Variants in EFR3B observed in about 807,000 individuals in gnomAD.
The protein encoded by EFR3B is EFR3 homolog B, also known as protein EFR3 homolog B.
EFR3B carries 64 observed loss-of-function variants against 104.7 expected under a neutral mutation model. The observed-to-expected ratio is 0.61, with a 90% CI of 0.50 to 0.75. The LOEUF (loss-of-function observed/expected upper bound fraction) is 0.75. Among genes scored for constraint, EFR3B ranks in the 30% least tolerant of loss-of-function variants. The probability of loss-of-function intolerance (pLI) is 0.00; values close to 1 mark genes in which losing one functional copy is unlikely to be tolerated. For synonymous variants in EFR3B, 385 were observed against 417.9 expected (o/e 0.92, Z 0.96); for missense variants, 750 against 1,078.5 (o/e 0.70, Z 4.27).
chr2:25,130,090 G>A lies in EFR3B; in HGVS notation c.751G>A (p.Ala251Thr), dbSNP rs1670288269. The change falls in exon 7 of 23, where the codon GCC (alanine) becomes ACC (threonine). Residue 251 changes from alanine to threonine, a missense_variant. Physicochemically the swap from Ala to Thr is moderately conservative, Grantham distance 58 (BLOSUM62 0). Coordinates refer to ENST00000403714, the MANE Select transcript of EFR3B (RefSeq NM_014971.2). The surrounding 1 kb of genome is among the most constrained non-coding windows in gnomAD (Gnocchi z 4.6). ...GGCTGCCTTTGGCAACATCAAAAACGCCATCAAGCCTGTTCTCATGTGAGT... is the reference window on the plus strand; with the variant it reads ...GGCTGCCTTTGGCAACATCAAAAACACCATCAAGCCTGTTCTCATGTGAGT... Reference protein sequence around the residue: ...GRAAFGNIKNAIKPVLIHLDN... With the variant: ...GRAAFGNIKNTIKPVLIHLDN... 2.6e-6 allele frequency: 4 copies of A among 1,551,684 alleles called. No individual in the cohort carries two copies. The highest frequency in any genetic ancestry group is 1.4e-5 in the African/African-American group (1 of 73,044).
At chr2:25,050,974 G>GGTCC (rs1301434859) in intron 1 of EFR3B, among the ~76,000 whole-genome samples, 2 of 152,150 alleles carry the variant, frequency 1.3e-5, no homozygotes, top group Admixed American at 6.5e-5. Flanking sequence ...TATTAAGATT[G>GGTCC]GTCCAAATGC....
At chr2:25,152,109 T>C (rs994049391) in intron 21 of EFR3B, 89 bp downstream of exon 21, 32 of 1,351,398 alleles carry the variant, frequency 2.4e-5, no homozygotes, top group Middle Eastern at 3.7e-4. Flanking sequence ...TAGGAGATCT[T>C]GGCTCTTTGA....
chr2:25,067,435 T>G (rs551579569), intron 1 of EFR3B, among the ~76,000 whole-genome samples: 20 of 151,338 alleles, frequency 1.3e-4, no homozygotes, highest in East Asian at 5.8e-4. Flanking sequence ...TGTTTTTTTT[T>G]TTTTGTTTTT....
chr2:25,042,233 A>C lies in EFR3B; in HGVS notation c.-80A>C. The stretch of plus-strand genomic sequence containing the variant: ...CCGCCAGTCCCCGCCCCGACTGTGA[A>C]TGAAAGGCGGGCGCCGCCGAGGGCT... On this transcript the variant is annotated 5_prime_UTR_variant, in exon 1 of 23. The change abolishes an upstream ATG in the 5' untranslated region. Coordinates refer to ENST00000403714, the MANE Select transcript of EFR3B (RefSeq NM_014971.2). This position sits in a 1 kb window ranked among gnomAD's most constrained non-coding sequence, Gnocchi z 5.4. The C allele has an allele frequency of 7.8e-7, 1 of 1,280,378 alleles. No individual in the cohort carries two copies. The highest frequency in any genetic ancestry group is 9.9e-7 in the Non-Finnish European group (1 of 1,010,952). The allele number at this position is 1,280,378 out of a possible 1,614,324, so 79.3% of individuals were successfully genotyped here. A position where few individuals can be genotyped will look rare whatever the true frequency, so the allele number is the denominator to read the frequency against.
At chr2:25,043,334 A>C (rs1667624537) in intron 1 of EFR3B, among the ~76,000 whole-genome samples, 1 of 152,168 alleles carries the variant, frequency 6.6e-6, no homozygotes, top group East Asian at 1.9e-4. Flanking sequence ...CAGTGTTTGG[A>C]GAAGAGTGCG....
At chr2:25,143,996 A>C (rs1670749121) in intron 18 of EFR3B, 134 bp downstream of exon 18, 2 of 1,307,202 alleles carry the variant, frequency 1.5e-6, no homozygotes, top group South Asian at 3.3e-5. Context: ...TGAAAGACAC[A>C]GTGGAAATTT....
chr2:25,137,231 G>A lies in EFR3B; in HGVS notation c.1561-110G>A. ...AGGCATCCCCTCCCCAAGGGAGGAG[G>A]GGGCACACAGCCATCCTGCCCCCCT... is the stretch of plus-strand genomic sequence containing the variant. On this transcript the variant is annotated intron_variant, in intron 14 of 22. Transcript: ENST00000403714. This position sits in a 1 kb window ranked among gnomAD's most constrained non-coding sequence, Gnocchi z 4.7. 7.8e-7 allele frequency: 1 copy of A among 1,280,554 alleles called. No individual in the cohort carries two copies. Among genetic ancestry groups the A allele is most frequent in the South Asian group, 1.4e-5 (1 of 69,382 alleles). 79.3% of individuals were successfully genotyped at this position (1,280,554 alleles called of 1,614,324 possible).
intron 1 of EFR3B, among the ~76,000 whole-genome samples, chr2:25,059,299 G>A (rs1340264575): frequency 6.6e-6 from 1 of 151,966 alleles, no homozygotes; most frequent in Non-Finnish European, 1.5e-5. Flanking sequence ...GGTCAGGCTG[G>A]TCTCGATCTC....
At chr2:25,106,971 A>C (rs1379377294) in intron 4 of EFR3B, among the ~76,000 whole-genome samples, 1 of 152,206 alleles carries the variant, frequency 6.6e-6, no homozygotes, top group Admixed American at 6.5e-5. Flanking sequence ...GAAGGAGAAA[A>C]AGGAAGAGAA....
At chr2:25,122,364 G>A (rs1008637916) in intron 5 of EFR3B, among the ~76,000 whole-genome samples, 1 of 152,106 alleles carries the variant, frequency 6.6e-6, no homozygotes, top group East Asian at 1.9e-4. Flanking sequence ...GCCAGTGACA[G>A]AACACACATG....
At position 25,091,418 on chromosome 2, in the gene EFR3B, G is replaced by A. The variant is rs1315145708; in HGVS notation, c.84+17G>A. 1 of 1,544,796 alleles carries A rather than the reference G, an allele frequency of 6.5e-7. No homozygotes were observed. Among genetic ancestry groups the A allele is most frequent in the South Asian group, 1.2e-5 (1 of 83,228 alleles). ...GATCCCGAGGTGGGTCATGTCTCTG[G>A]CAGGCATCGTGGCTCTCATGGTCCA... On this transcript the variant is annotated intron_variant, in intron 2 of 22. Transcript: ENST00000403714.
At chr2:25,080,310 TTGAGATGGA>T in intron 1 of EFR3B, 2 of 808,798 alleles carry the variant, frequency 2.5e-6, no homozygotes, top group Non-Finnish European at 3.8e-6. Flanking sequence ...TTTTTTTTTT[TTGAGATGGA>T]GTTTTGCTCT....
chr2:25,098,095 C>T (rs1006559604), intron 3 of EFR3B, among the ~76,000 whole-genome samples: 46 of 152,194 alleles, frequency 3.0e-4, no homozygotes, highest in African/African-American at 1.1e-3. Flanking sequence ...ATAGGGATAC[C>T]GCAGACCCCT....
At chr2:25,133,212 G>A (rs747010146) in intron 11 of EFR3B, among the ~76,000 whole-genome samples, 171 bp from the exon 12 acceptor site, 2 of 152,166 alleles carry the variant, frequency 1.3e-5, no homozygotes. Flanking sequence ...CTCCCAACGT[G>A]GGGGGAGCCA....
At position 25,131,821 on chromosome 2, in the gene EFR3B, G is replaced by C. The variant is rs1446665291; in HGVS notation, c.1057G>C (p.Gly353Arg). ...GCTCAGCATCGACTACGCGCTGACC[G>C]GGAGCTACGACGGGGCGGTCAGCCT... is the stretch of plus-strand genomic sequence containing the variant. ...LRLSIDYALT[G>R]SYDGAVSLGT... The change falls in exon 10 of 23, where the codon GGG (glycine) becomes CGG (arginine). Residue 353 changes from glycine to arginine, a missense_variant. By Grantham distance (125) the Gly-to-Arg change is moderately radical. Transcript: ENST00000403714. This position sits in a 1 kb window ranked among gnomAD's most constrained non-coding sequence, Gnocchi z 7.6. 1 of 1,549,848 alleles carries C rather than the reference G, an allele frequency of 6.5e-7. No homozygotes were observed. Among genetic ancestry groups the C allele is most frequent in the Non-Finnish European group, 8.7e-7 (1 of 1,146,482 alleles).
chr2:25,071,604 C>T (rs190670596), intron 1 of EFR3B, among the ~76,000 whole-genome samples: 41 of 152,258 alleles, frequency 2.7e-4, no homozygotes, highest in Non-Finnish European at 2.9e-4. Context: ...CTAATGTAAT[C>T]GTAACTTTCA....
At chr2:25,153,330 G>A (rs542721439) in intron 21 of EFR3B, among the ~76,000 whole-genome samples, 9 of 152,000 alleles carry the variant, frequency 5.9e-5, no homozygotes, top group Admixed American at 4.6e-4. Flanking sequence ...CTCCAGCCTG[G>A]GTAACAGAGC....
chr2:25,076,921 A>G (rs1668647478), intron 1 of EFR3B, among the ~76,000 whole-genome samples: 1 of 152,184 alleles, frequency 6.6e-6, no homozygotes, highest in Non-Finnish European at 1.5e-5. Context: ...CCCAGGGAGA[A>G]TTCAGCTGCT....
At chr2:25,097,513 G>T (rs1330013447) in intron 3 of EFR3B, among the ~76,000 whole-genome samples, 3 of 152,060 alleles carry the variant, frequency 2.0e-5, no homozygotes. Context: ...TGGACCCAGG[G>T]GCAGAACCAC....
Sources: gnomAD v4.1 joint callset for allele counts (sites outside exome capture counted in the v4.1 genomes callset) on GRCh38, gnomAD v4.1.1 for gene constraint, Gnocchi (gnomAD v3.1) non-coding constraint, MANE v1.5 for transcripts, NCBI Gene and HGNC (gene_info 2026-07-23, HGNC 2026-07-21) for gene names.